FIP1L1: variants seen among roughly 807,000 people sequenced by gnomAD.
The protein encoded by FIP1L1 is factor interacting with PAPOLA and CPSF1.
Under a neutral mutation model 84.6 loss-of-function variants are expected in FIP1L1, and 21 were observed. The ratio of observed to expected loss-of-function variants is 0.25; its 90% CI spans 0.18 to 0.36. The LOEUF (loss-of-function observed/expected upper bound fraction) is 0.36. Among genes scored for constraint, FIP1L1 ranks in the 10% least tolerant of loss-of-function variants. The probability of loss-of-function intolerance (pLI) is 1.00; values close to 1 mark genes in which losing one functional copy is unlikely to be tolerated. For missense variants in FIP1L1, 526 were observed against 751.1 expected (o/e 0.70, Z 3.50); for synonymous variants, 263 against 242.3 (o/e 1.09, Z -0.80).
intron 16 of FIP1L1, among the ~76,000 whole-genome samples, chr4:53,457,340 A>G (rs1291790097): frequency 6.6e-6 from 1 of 152,126 alleles, no homozygotes; most frequent in Non-Finnish European, 1.5e-5. Flanking sequence ...TTCAGGTGAC[A>G]TGCCTCCACA....
At chr4:53,389,712 T>C (rs2149366885) in intron 5 of FIP1L1, 97 bp from the exon 6 acceptor site, 1 of 883,196 alleles carries the variant, frequency 1.1e-6, no homozygotes. Flanking sequence ...CCATTTACTA[T>C]GTGATTGTAT....
chr4:53,399,990 ACTT>A lies in FIP1L1; in HGVS notation c.815+155_815+157del. 5 of 567,152 alleles carry A rather than the reference ACTT, an allele frequency of 8.8e-6. No individual in the cohort carries two copies. In the South Asian group the frequency reaches 1.5e-4, roughly 17 times the overall value. 35.1% of individuals were successfully genotyped at this position (567,152 alleles called of 1,614,324 possible). On this transcript the variant is annotated intron_variant, in intron 10 of 17. Coordinates refer to ENST00000337488, the MANE Select transcript of FIP1L1 (RefSeq NM_030917.4). ...GTACAAAATGAATTCTTCACAAGAAACTTCTTGATGTTTTTCCATCTAAAAAGC... is the reference window on the plus strand; with the variant it reads ...GTACAAAATGAATTCTTCACAAGAAACTTGATGTTTTTCCATCTAAAAAGC...
At chr4:53,452,338 TGA>T (rs992994578) in intron 15 of FIP1L1, among the ~76,000 whole-genome samples, 1 of 152,126 alleles carries the variant, frequency 6.6e-6, no homozygotes, top group African/African-American at 2.4e-5. Flanking sequence ...TTTCTTTTTT[TGA>T]GATAGTCTCA....
At chr4:53,444,658 G>A (rs1447390508) in intron 15 of FIP1L1, among the ~76,000 whole-genome samples, 4 of 152,008 alleles carry the variant, frequency 2.6e-5, no homozygotes, top group African/African-American at 4.8e-5. Context: ...GCAGTGGTGC[G>A]ATCATGGCTC....
chr4:53,409,415 G>A (rs1473735482), intron 10 of FIP1L1, among the ~76,000 whole-genome samples: 1 of 152,196 alleles, frequency 6.6e-6, no homozygotes, highest in African/African-American at 2.4e-5. Context: ...ACTGGGGGGT[G>A]TCTCCCACTT....
chr4:53,413,442 A>T (rs969474069), intron 10 of FIP1L1, among the ~76,000 whole-genome samples: 1 of 152,056 alleles, frequency 6.6e-6, no homozygotes, highest in African/African-American at 2.4e-5. Flanking sequence ...TTAGTCATGA[A>T]ATCATCATGT....
intron 11 of FIP1L1, among the ~76,000 whole-genome samples, chr4:53,424,598 A>C (rs1485916518): frequency 6.6e-6 from 1 of 152,126 alleles, no homozygotes; most frequent in East Asian, 1.9e-4. Context: ...GTGGGAACTG[A>C]CTATGTACTT....
intron 10 of FIP1L1, 97 bp from the exon 11 acceptor site, chr4:53,414,518 C>A (rs1758570047): frequency 8.4e-6 from 6 of 716,266 alleles, no homozygotes; most frequent in Non-Finnish European, 4.6e-6. Flanking sequence ...TACTAAAAGA[C>A]TTTAGAAAAA....
chr4:53,454,133 T>C (rs1440888323), intron 16 of FIP1L1, among the ~76,000 whole-genome samples: 1 of 152,236 alleles, frequency 6.6e-6, no homozygotes, highest in East Asian at 1.9e-4. Flanking sequence ...TTTAGTTATT[T>C]ATATTCTGTC....
intron 9 of FIP1L1, among the ~76,000 whole-genome samples, chr4:53,396,974 A>G (rs936626036): frequency 1.3e-5 from 2 of 152,234 alleles, no homozygotes; most frequent in African/African-American, 4.8e-5. Flanking sequence ...AGAATTATGG[A>G]GTATGAAAGG....
intron 15 of FIP1L1, among the ~76,000 whole-genome samples, chr4:53,450,458 GAAT>G (rs946719522): frequency 7.9e-5 from 12 of 152,178 alleles, no homozygotes; most frequent in African/African-American, 2.9e-4. Flanking sequence ...TGCTTGAGAA[GAAT>G]AATATCCTTT....
chr4:53,384,004 T>G, intron 5 of FIP1L1, 128 bp downstream of exon 5: 1 of 911,976 alleles, frequency 1.1e-6, no homozygotes. Flanking sequence ...AAAGAACTTG[T>G]TAAAGTTTCA....
chr4:53,423,268 T>A (rs1325222510), intron 11 of FIP1L1, among the ~76,000 whole-genome samples: 1 of 152,176 alleles, frequency 6.6e-6, no homozygotes, highest in Non-Finnish European at 1.5e-5. Flanking sequence ...GAGTGGTTAG[T>A]TTCTTAGCTT....
intron 9 of FIP1L1, among the ~76,000 whole-genome samples, chr4:53,396,652 C>T (rs1747533824): frequency 6.6e-6 from 1 of 152,200 alleles, no homozygotes; most frequent in African/African-American, 2.4e-5. Flanking sequence ...GATCCACCCA[C>T]CTCGGCCTCC....
chr4:53,442,502 T>C (rs1772382946), intron 13 of FIP1L1, 151 bp from the exon 14 acceptor site: 2 of 592,056 alleles, frequency 3.4e-6, no homozygotes, highest in Admixed American at 6.2e-5. Flanking sequence ...TGTTCATAAG[T>C]TTGAGCTCCA....
At chr4:53,417,785 T>G (rs879822011) in intron 11 of FIP1L1, among the ~76,000 whole-genome samples, 1 of 95,722 alleles carries the variant, frequency 1.0e-5, no homozygotes, top group Non-Finnish European at 2.2e-5. Flanking sequence ...TCTCTCTCTC[T>G]CTCTCTCTCT....
At chr4:53,390,759 T>G (rs903578300) in intron 7 of FIP1L1, 131 bp downstream of exon 7, 1 of 647,308 alleles carries the variant, frequency 1.5e-6, no homozygotes, top group African/African-American at 1.9e-5. Flanking sequence ...TGATGAGTAA[T>G]AATGACTTGG....
chr4:53,429,117 C>T (rs1765497977), intron 13 of FIP1L1, among the ~76,000 whole-genome samples: 1 of 152,200 alleles, frequency 6.6e-6, no homozygotes, highest in South Asian at 2.1e-4. Context: ...CATATTCATC[C>T]TTGGCCTCTA....
intron 13 of FIP1L1, among the ~76,000 whole-genome samples, chr4:53,430,798 C>T (rs910892299): frequency 6.6e-6 from 1 of 152,088 alleles, no homozygotes; most frequent in Non-Finnish European, 1.5e-5. Flanking sequence ...ATTTTAAAAT[C>T]GAGATTTCCT....
Sources: allele counts gnomAD v4.1 joint callset (sites outside exome capture counted in the v4.1 genomes callset), GRCh38; gene constraint gnomAD v4.1.1; transcripts MANE v1.5; gene names NCBI Gene and HGNC (gene_info 2026-07-23, HGNC 2026-07-21).